The following KCNJ6 variants were observed in gnomAD, a reference collection of about 807,000 sequenced individuals.
KCNJ6 encodes potassium inwardly rectifying channel subfamily J member 6.
A neutral mutation model predicts 34.2 loss-of-function variants in KCNJ6; 9 were observed. That is an observed-to-expected ratio of 0.26 (90% CI 0.16 to 0.46). KCNJ6 has a LOEUF of 0.46. Ranked by LOEUF, KCNJ6 falls within the 20% of genes least tolerant of loss-of-function variation. KCNJ6 has a pLI of 1.00. For missense variants in KCNJ6, 236 were observed against 531.3 expected, an observed-to-expected ratio of 0.44 and a Z score of 5.46; for synonymous variants, 196 against 207.1, an observed-to-expected ratio of 0.95 and a Z score of 0.46.
At chr21:37,770,262 C>T (rs931085864) in intron 2 of KCNJ6, among the ~76,000 whole-genome samples, 4 of 152,074 alleles carry the variant, frequency 2.6e-5, no homozygotes, top group South Asian at 2.1e-4. Context: ...TCAAGACTTT[C>T]GCGGGCCATT....
chr21:37,839,051 C>G (rs1255946668), intron 2 of KCNJ6, among the ~76,000 whole-genome samples: 1 of 152,226 alleles, frequency 6.6e-6, no homozygotes, highest in African/African-American at 2.4e-5. Context: ...TAGATGCCAG[C>G]ACCATGCTTC....
chr21:37,715,405 T>C (rs1470703944), intron 2 of KCNJ6, among the ~76,000 whole-genome samples: 2 of 152,220 alleles, frequency 1.3e-5, no homozygotes, highest in African/African-American at 4.8e-5. Context: ...GCCAGCAGGT[T>C]CTACTGAGTC....
intron 1 of KCNJ6, among the ~76,000 whole-genome samples, chr21:37,871,817 G>GTT (rs1412315259): frequency 7.5e-6 from 1 of 132,962 alleles, no homozygotes; most frequent in South Asian, 2.8e-4. Flanking sequence ...ATAACCACCT[G>GTT]TTTTTTCTTC....
chr21:37,824,311 AAC>A (rs1189731257), intron 2 of KCNJ6, among the ~76,000 whole-genome samples: 3 of 152,200 alleles, frequency 2.0e-5, no homozygotes, highest in Admixed American at 2.0e-4. Flanking sequence ...CTGTTAGACA[AAC>A]ACAATTCTGA....
chr21:37,885,118 G>T (rs1429947517), intron 1 of KCNJ6, among the ~76,000 whole-genome samples: 1 of 152,164 alleles, frequency 6.6e-6, no homozygotes, highest in Non-Finnish European at 1.5e-5. Context: ...CCTATCCCTG[G>T]ATTGACTGCA....
intron 2 of KCNJ6, among the ~76,000 whole-genome samples, chr21:37,758,084 G>A (rs1038521804): frequency 3.3e-5 from 5 of 151,692 alleles, no homozygotes; most frequent in Non-Finnish European, 4.4e-5. Flanking sequence ...AGTGGAGGGG[G>A]AGAGGCTTCA....
At chr21:37,750,916 TG>T in intron 2 of KCNJ6, among the ~76,000 whole-genome samples, 1 of 152,290 alleles carries the variant, frequency 6.6e-6, no homozygotes, top group South Asian at 2.1e-4. Context: ...AGCTAAAACT[TG>T]GTAAGAATGG....
chr21:37,859,530 T>TATAA (rs1245250949), intron 1 of KCNJ6, among the ~76,000 whole-genome samples: 26 of 94,740 alleles, frequency 2.7e-4, no homozygotes, highest in Non-Finnish European at 5.0e-4. Context: ...TATATATATA[T>TATAA]AAAATACTTA....
intron 3 of KCNJ6, among the ~76,000 whole-genome samples, chr21:37,713,277 G>T (rs562584368): frequency 6.6e-6 from 1 of 151,974 alleles, no homozygotes; most frequent in Non-Finnish European, 1.5e-5. Context: ...ACTTAAAAGC[G>T]TAAAAGGGCT....
chr21:37,908,425 T>C (rs1017194914), intron 1 of KCNJ6, among the ~76,000 whole-genome samples: 1 of 152,234 alleles, frequency 6.6e-6, no homozygotes, highest in African/African-American at 2.4e-5. Context: ...AACCTAAACT[T>C]ACAGCATGTA....
Position 37,625,122 on chromosome 21 carries a change from T to C in KCNJ6, c.*37A>G, listed in dbSNP as rs746066551. The stretch of plus-strand genomic sequence containing the variant: ...GAATGAGAGACAAGGAAAGATTGTG[T>C]TGGGGGGAGAAGAGAAGGGTTTGCC... On this transcript the variant is annotated 3_prime_UTR_variant, in exon 4 of 4. Transcript: ENST00000609713. The C allele has an allele frequency of 5.4e-5, 74 of 1,361,840 alleles. No homozygotes were observed. The East Asian group carries it at 9.4e-4, about 17-fold the overall frequency. The allele number at this position is 1,361,840 out of a possible 1,614,324, so 84.4% of individuals were successfully genotyped here.
At chr21:37,785,967 G>T (rs1249427560) in intron 2 of KCNJ6, among the ~76,000 whole-genome samples, 1 of 152,236 alleles carries the variant, frequency 6.6e-6, no homozygotes, top group African/African-American at 2.4e-5. Context: ...GACAGAATCT[G>T]CCTTGATCTT....
chr21:37,915,533 C>T (rs2055889141), intron 1 of KCNJ6, among the ~76,000 whole-genome samples: 1 of 152,214 alleles, frequency 6.6e-6, no homozygotes, highest in Admixed American at 6.5e-5. Context: ...TCACAAGCCG[C>T]ACCTGTCAGT....
intron 1 of KCNJ6, among the ~76,000 whole-genome samples, chr21:37,882,742 T>C (rs550014140): frequency 6.6e-6 from 1 of 152,210 alleles, no homozygotes; most frequent in African/African-American, 2.4e-5. Flanking sequence ...CAGCATCCTA[T>C]TGCTACTAAA....
rs1321979970 is a variant in KCNJ6 at position 37,620,942 on chromosome 21, C to T, written c.*4217G>A. ...GGCAGAAATATTAGGAAGAGGCGTG[C>T]TTTACTCAATTTTAAATTAAAGGCT... is the stretch of plus-strand genomic sequence containing the variant. On this transcript the variant is annotated 3_prime_UTR_variant, in exon 4 of 4. Coordinates refer to ENST00000609713, the MANE Select transcript of KCNJ6 (RefSeq NM_002240.5). 6.6e-6 allele frequency: 1 copy of T among 152,166 alleles called. No individual in the cohort carries two copies. The highest frequency in any genetic ancestry group is 2.4e-5 in the African/African-American group (1 of 41,428). The allele number at this position is 152,166 out of a possible 1,614,324, so 9.4% of individuals were successfully genotyped here.
chr21:37,665,273 A>C (rs2054508748), intron 3 of KCNJ6, among the ~76,000 whole-genome samples: 1 of 152,208 alleles, frequency 6.6e-6, no homozygotes, highest in African/African-American at 2.4e-5. Flanking sequence ...TATTATTATC[A>C]TTATTTATGA....
intron 1 of KCNJ6, among the ~76,000 whole-genome samples, chr21:37,905,824 A>T (rs1029234118): frequency 1.3e-5 from 2 of 152,210 alleles, no homozygotes; most frequent in African/African-American, 4.8e-5. Context: ...GAGATTTGTC[A>T]ACTGACTAAC....
chr21:37,911,257 A>C (rs2055865819), intron 1 of KCNJ6, among the ~76,000 whole-genome samples: 1 of 152,100 alleles, frequency 6.6e-6, no homozygotes, highest in Admixed American at 6.5e-5. Flanking sequence ...TTTTTATCCT[A>C]AACAGCTACA....
At chr21:37,733,200 C>A (rs2054895015) in intron 2 of KCNJ6, among the ~76,000 whole-genome samples, 1 of 152,192 alleles carries the variant, frequency 6.6e-6, no homozygotes, top group African/African-American at 2.4e-5. Context: ...CTAATTCCTG[C>A]ATCAATAAAA....
Sources: allele counts gnomAD v4.1 joint callset (sites outside exome capture counted in the v4.1 genomes callset), GRCh38; gene constraint gnomAD v4.1.1; transcripts MANE v1.5; gene names NCBI Gene and HGNC (gene_info 2026-07-23, HGNC 2026-07-21).